Variants in SLC44A5 observed in about 807,000 individuals in gnomAD.
The protein encoded by SLC44A5 is solute carrier family 44 member 5, also known as choline transporter-like protein 5.
A neutral mutation model predicts 101.8 loss-of-function variants in SLC44A5; 57 were observed. The ratio of observed to expected loss-of-function variants is 0.56; its 90% CI spans 0.45 to 0.70. SLC44A5 has a LOEUF of 0.70. SLC44A5 is among the 30% of genes least tolerant of loss of function. The pLI is 0.00. For synonymous variants in SLC44A5, 281 were observed against 290.9 expected, an observed-to-expected ratio of 0.97 and a Z score of 0.35; for missense variants, 737 against 853.1, an observed-to-expected ratio of 0.86 and a Z score of 1.70.
chr1:75,376,584 C>A (rs558009721), intron 3 of SLC44A5, among the ~76,000 whole-genome samples: 2 of 152,080 alleles, frequency 1.3e-5, no homozygotes, highest in African/African-American at 2.4e-5. Context: ...ACACCTCACA[C>A]GGCAGGGTAC....
At chr1:75,548,656 G>A (rs1671780853) in intron 1 of SLC44A5, among the ~76,000 whole-genome samples, 1 of 152,026 alleles carries the variant, frequency 6.6e-6, no homozygotes, top group African/African-American at 2.4e-5. Flanking sequence ...TTACTAATGA[G>A]ATCATCAAGA....
At chr1:75,590,593 C>G (rs388270) in intron 1 of SLC44A5, among the ~76,000 whole-genome samples, 52,263 of 151,912 alleles carry the variant, frequency 0.34, 9,391 homozygotes, top group Non-Finnish European at 0.4. Flanking sequence ...AGTCTAGTCT[C>G]AGGCTAAACA....
chr1:75,679,164 C>T, the SLC44A5 span, among the ~76,000 whole-genome samples: 190 of 152,170 alleles, frequency 1.2e-3, 3 homozygotes, highest in South Asian at 0.031. Flanking sequence ...ATGGGGAGAA[C>T]GGAACCAAGT....
At chr1:75,270,366 A>C (rs986812481) in intron 6 of SLC44A5, among the ~76,000 whole-genome samples, 1 of 152,130 alleles carries the variant, frequency 6.6e-6, no homozygotes, top group Non-Finnish European at 1.5e-5. Context: ...AGCAGGTTAC[A>C]GGATTCAGAA....
chr1:75,424,748 T>G (rs564282319), intron 2 of SLC44A5, among the ~76,000 whole-genome samples: 13 of 151,104 alleles, frequency 8.6e-5, no homozygotes, highest in African/African-American at 1.2e-4. Flanking sequence ...ATGTCAAGAG[T>G]TTTTTTTTCA....
chr1:75,356,230 A>G (rs1429421164), intron 3 of SLC44A5, among the ~76,000 whole-genome samples: 1 of 150,620 alleles, frequency 6.6e-6, no homozygotes, highest in Admixed American at 6.6e-5. Context: ...AAAAAAAAAA[A>G]AAGAGATATT....
At chr1:75,304,739 G>T (rs1025842367) in intron 4 of SLC44A5, among the ~76,000 whole-genome samples, 1 of 152,154 alleles carries the variant, frequency 6.6e-6, no homozygotes, top group Non-Finnish European at 1.5e-5. Flanking sequence ...CTACAGGCTT[G>T]TCATAACTGG....
chr1:75,634,685 T>C, the SLC44A5 span, among the ~76,000 whole-genome samples: 2 of 151,202 alleles, frequency 1.3e-5, no homozygotes, highest in African/African-American at 2.4e-5. Context: ...AAGACTTAAA[T>C]GTTAGACCTA....
intron 10 of SLC44A5, among the ~76,000 whole-genome samples, chr1:75,237,517 T>C (rs941251301): frequency 3.3e-5 from 5 of 152,124 alleles, no homozygotes; most frequent in African/African-American, 1.2e-4. Flanking sequence ...TGAGGAATTA[T>C]CAAAGTGAAC....
At chr1:75,405,262 C>T (rs1464463907) in intron 2 of SLC44A5, among the ~76,000 whole-genome samples, 1 of 152,156 alleles carries the variant, frequency 6.6e-6, no homozygotes, top group African/African-American at 2.4e-5. Context: ...TCTTGGGAGA[C>T]TCTAACACCC....
chr1:75,707,305 T>C, the SLC44A5 span, among the ~76,000 whole-genome samples: 2 of 152,214 alleles, frequency 1.3e-5, no homozygotes, highest in African/African-American at 4.8e-5. Flanking sequence ...AAGCTGGAGC[T>C]GCTTGTTTTT....
At chr1:75,604,753 A>AGG (rs1274117526) in intron 1 of SLC44A5, among the ~76,000 whole-genome samples, 2 of 57,332 alleles carry the variant, frequency 3.5e-5, no homozygotes, top group Non-Finnish European at 5.0e-5. Flanking sequence ...GGTGAAACCA[A>AGG]GGGGTGTGTG....
intron 1 of SLC44A5, among the ~76,000 whole-genome samples, chr1:75,565,595 A>G (rs1034006945): frequency 1.3e-5 from 2 of 152,208 alleles, no homozygotes; most frequent in African/African-American, 2.4e-5. Context: ...TTTGCCACAC[A>G]TATTTCTTTC....
chr1:75,702,457 T>G, the SLC44A5 span, among the ~76,000 whole-genome samples: 1 of 152,098 alleles, frequency 6.6e-6, no homozygotes. Flanking sequence ...GCTAGCCATA[T>G]GTAGAAAGCT....
chr1:75,406,641 G>A (rs1199267141), intron 2 of SLC44A5, among the ~76,000 whole-genome samples: 2 of 152,100 alleles, frequency 1.3e-5, no homozygotes, highest in East Asian at 3.9e-4. Flanking sequence ...TGCAGAAAAG[G>A]CCTTCAACAA....
chr1:75,358,310 A>C (rs1028899823), intron 3 of SLC44A5, among the ~76,000 whole-genome samples: 1 of 152,182 alleles, frequency 6.6e-6, no homozygotes, highest in African/African-American at 2.4e-5. Flanking sequence ...ATAAGTGTGC[A>C]TGCCATATTT....
At chr1:75,372,663 A>C (rs1170958371) in intron 3 of SLC44A5, among the ~76,000 whole-genome samples, 1 of 152,238 alleles carries the variant, frequency 6.6e-6, no homozygotes, top group African/African-American at 2.4e-5. Context: ...CCTTCAGAGA[A>C]GTTATTAACA....
chr1:75,614,419 G>A (rs1303443379), upstream of SLC44A5, among the ~76,000 whole-genome samples: 2 of 152,164 alleles, frequency 1.3e-5, no homozygotes, highest in African/African-American at 4.8e-5. Flanking sequence ...AAAGTCCCAG[G>A]TGTTTTCATA....
intron 5 of SLC44A5, among the ~76,000 whole-genome samples, chr1:75,290,539 G>A (rs555588602): frequency 4.6e-5 from 7 of 152,212 alleles, no homozygotes; most frequent in Non-Finnish European, 2.9e-5. Flanking sequence ...TGACAGCACT[G>A]ACAGGAGCAG....
Sources: gnomAD v4.1 joint callset for allele counts (sites outside exome capture counted in the v4.1 genomes callset) on GRCh38, gnomAD v4.1.1 for gene constraint, MANE v1.5 for transcripts, NCBI Gene and HGNC (gene_info 2026-07-23, HGNC 2026-07-21) for gene names.